BMPER: variants seen among roughly 807,000 people sequenced by gnomAD.
BMPER encodes the protein BMP-binding endothelial regulator protein.
Under a neutral mutation model 87.3 loss-of-function variants are expected in BMPER, and 45 were observed. The observed-to-expected ratio is 0.52, with a 90% CI of 0.41 to 0.66. The LOEUF is 0.66. Ranked by LOEUF, BMPER falls within the 30% of genes least tolerant of loss-of-function variation. BMPER has a pLI of 0.00. For synonymous variants in BMPER, 326 were observed against 316.2 expected (o/e 1.03, Z -0.33); for missense variants, 784 against 867.5 (o/e 0.90, Z 1.21).
At chr7:34,061,372 A>G (rs1392884938) in intron 10 of BMPER, among the ~76,000 whole-genome samples, 2 of 152,210 alleles carry the variant, frequency 1.3e-5, no homozygotes, top group African/African-American at 2.4e-5. Context: ...GTGTATTTCC[A>G]GAAAGGTAAT....
At chr7:33,978,756 C>T (rs763320906) in intron 6 of BMPER, among the ~76,000 whole-genome samples, 19 of 152,140 alleles carry the variant, frequency 1.2e-4, no homozygotes, top group East Asian at 1.9e-4. Context: ...TACTGAACAC[C>T]GTAGCTTAGC....
At chr7:33,989,990 C>CTGTATCT (rs1786156806) in intron 6 of BMPER, among the ~76,000 whole-genome samples, 1 of 152,048 alleles carries the variant, frequency 6.6e-6, no homozygotes, top group Non-Finnish European at 1.5e-5. Flanking sequence ...TGTTTTGGTA[C>CTGTATCT]CAGTACCATG....
At chr7:34,036,888 A>T (rs182709224) in intron 6 of BMPER, among the ~76,000 whole-genome samples, 1 of 152,166 alleles carries the variant, frequency 6.6e-6, no homozygotes, top group African/African-American at 2.4e-5. Context: ...GAAAAAACGT[A>T]AAAGAAAACA....
At chr7:34,139,707 T>C (rs900031907) in intron 13 of BMPER, among the ~76,000 whole-genome samples, 1 of 152,216 alleles carries the variant, frequency 6.6e-6, no homozygotes, top group East Asian at 1.9e-4. Context: ...AATTTTGTTA[T>C]CCTTCTCTTT....
intron 6 of BMPER, among the ~76,000 whole-genome samples, chr7:34,044,107 A>G (rs1787898454): frequency 1.3e-5 from 2 of 152,144 alleles, no homozygotes; most frequent in Admixed American, 1.3e-4. Flanking sequence ...AACAAAATAA[A>G]ACTTGACTAA....
chr7:34,093,165 A>G (rs936905622), intron 13 of BMPER, among the ~76,000 whole-genome samples: 3 of 152,210 alleles, frequency 2.0e-5, no homozygotes, highest in African/African-American at 4.8e-5. Flanking sequence ...AAAGAGATAC[A>G]TAAGGCAGAA....
At chr7:33,916,872 A>AT (rs1416444320) in intron 2 of BMPER, among the ~76,000 whole-genome samples, 2 of 151,296 alleles carry the variant, frequency 1.3e-5, no homozygotes, top group African/African-American at 4.8e-5. Flanking sequence ...AGCTCCCCCC[A>AT]GAATGGAACT....
chr7:34,116,895 CAGG>C (rs1347848787), intron 13 of BMPER, among the ~76,000 whole-genome samples: 4 of 151,736 alleles, frequency 2.6e-5, no homozygotes, highest in Non-Finnish European at 5.9e-5. Flanking sequence ...GAGGCTGAGG[CAGG>C]AGAATTGCTT....
At chr7:34,082,217 G>T (rs2160308) in intron 12 of BMPER, among the ~76,000 whole-genome samples, 37,988 of 151,910 alleles carry the variant, frequency 0.25, 4,985 homozygotes, top group Middle Eastern at 0.33. Context: ...CATCCCAGCT[G>T]CAGGAAGGAC....
intron 6 of BMPER, among the ~76,000 whole-genome samples, chr7:33,991,035 T>C (rs1786198688): frequency 6.9e-6 from 1 of 145,218 alleles, no homozygotes; most frequent in Non-Finnish European, 1.5e-5. Flanking sequence ...TTATTGAGGA[T>C]TTTTGCATCA....
intron 13 of BMPER, among the ~76,000 whole-genome samples, chr7:34,089,685 T>C (rs893372880): frequency 2.8e-4 from 43 of 152,214 alleles, no homozygotes; most frequent in Middle Eastern, 6.8e-3. Flanking sequence ...GTTTTCACCA[T>C]GTTGGCCAGG....
chr7:34,109,953 A>G (rs1038191257), intron 13 of BMPER, among the ~76,000 whole-genome samples: 2 of 152,008 alleles, frequency 1.3e-5, no homozygotes, highest in African/African-American at 4.8e-5. Flanking sequence ...CTGGTTTTTA[A>G]TGTTATAGAG....
chr7:34,032,011 A>C (rs199860693), intron 6 of BMPER, among the ~76,000 whole-genome samples: 12 of 122,618 alleles, frequency 9.8e-5, no homozygotes, highest in Non-Finnish European at 1.5e-4. Context: ...GTGTGTGTGT[A>C]TATATATATA....
chr7:34,045,698 G>T (rs1468225278), intron 6 of BMPER, among the ~76,000 whole-genome samples: 3 of 152,182 alleles, frequency 2.0e-5, no homozygotes, highest in Non-Finnish European at 4.4e-5. Context: ...GGCTTTCAGT[G>T]TATCCATTTT....
chr7:33,994,325 C>T (rs566502216), intron 6 of BMPER, among the ~76,000 whole-genome samples: 18 of 152,320 alleles, frequency 1.2e-4, no homozygotes, highest in African/African-American at 3.1e-4. Flanking sequence ...TCTCGTGATG[C>T]GCTGTTTTTT....
At chr7:33,977,586 C>G (rs2127913955) in intron 6 of BMPER, among the ~76,000 whole-genome samples, 2 of 152,262 alleles carry the variant, frequency 1.3e-5, no homozygotes, top group South Asian at 4.1e-4. Context: ...TAGGCTGCAG[C>G]TTCCCCTGTA....
intron 13 of BMPER, among the ~76,000 whole-genome samples, chr7:34,141,088 G>A (rs1205118906): frequency 6.6e-6 from 1 of 152,178 alleles, no homozygotes; most frequent in African/African-American, 2.4e-5. Flanking sequence ...AATATGATGG[G>A]TGTGGGTTAT....
intron 11 of BMPER, among the ~76,000 whole-genome samples, chr7:34,065,766 A>G (rs1365164278): frequency 6.6e-6 from 1 of 152,204 alleles, no homozygotes; most frequent in African/African-American, 2.4e-5. Flanking sequence ...CTCCACCTCT[A>G]AAAGCATGCA....
At chr7:33,983,944 A>G (rs1021037429) in intron 6 of BMPER, among the ~76,000 whole-genome samples, 3 of 152,204 alleles carry the variant, frequency 2.0e-5, no homozygotes, top group Admixed American at 6.5e-5. Context: ...CGTCTAAGCA[A>G]GTTTAAACTC....
Sources: gnomAD v4.1 joint callset for allele counts (sites outside exome capture counted in the v4.1 genomes callset) on GRCh38, gnomAD v4.1.1 for gene constraint, MANE v1.5 for transcripts, NCBI Gene and HGNC (gene_info 2026-07-23, HGNC 2026-07-21) for gene names.